The following TEF variants were observed in gnomAD, a reference collection of about 807,000 sequenced individuals.
TEF encodes TEF transcription factor, PAR bZIP family member, also known as thyrotroph embryonic factor.
In TEF, 3 loss-of-function variants were observed where a neutral mutation model predicts 20.8. The ratio of observed to expected loss-of-function variants is 0.14; its 90% CI spans 0.07 to 0.37. The LOEUF (loss-of-function observed/expected upper bound fraction) is 0.37. Ranked by LOEUF, TEF falls within the 10% of genes least tolerant of loss-of-function variation. The probability of loss-of-function intolerance (pLI) is 1.00; values close to 1 mark genes in which losing one functional copy is unlikely to be tolerated. For synonymous variants in TEF, 180 were observed against 171.1 expected (o/e 1.05, Z -0.41); for missense variants, 296 against 397.9 (o/e 0.74, Z 2.18).
chr22:41,384,769 C>T (rs1048121371), intron 1 of TEF, among the ~76,000 whole-genome samples: 1 of 151,578 alleles, frequency 6.6e-6, no homozygotes, highest in Admixed American at 6.6e-5. Context: ...TTTTTTCTTT[C>T]GAGACAGACT....
rs2037232403 is a variant in TEF at position 41,396,629 on chromosome 22, A to AGGCCATCGGCTGTCTCTGC, written c.*670_*688dup. The AGGCCATCGGCTGTCTCTGC allele has an allele frequency of 3.7e-6, 1 of 268,024 alleles. No homozygotes were observed. Among genetic ancestry groups the AGGCCATCGGCTGTCTCTGC allele is most frequent in the Non-Finnish European group, 6.9e-6 (1 of 144,108 alleles). 16.6% of individuals were successfully genotyped at this position (268,024 alleles called of 1,614,324 possible). ...GCACCCCTTTTCCCTTATGGCTCTG[A>AGGCCATCGGCTGTCTCTGC]GGCCATCGGCTGTCTCTGCATTTCA... On this transcript the variant is annotated 3_prime_UTR_variant, in exon 4 of 4. Transcript: ENST00000266304.
chr22:41,379,332 C>G (rs147053657), upstream of TEF, among the ~76,000 whole-genome samples: 7 of 151,208 alleles, frequency 4.6e-5, no homozygotes, highest in Non-Finnish European at 1.0e-4. Flanking sequence ...GAGTGAGACT[C>G]TGTCTCGGAA....
intron 1 of TEF, among the ~76,000 whole-genome samples, chr22:41,370,438 T>G: frequency 8.3e-6 from 1 of 120,112 alleles, no homozygotes; most frequent in African/African-American, 3.2e-5. Context: ...TTTGAGCCAG[T>G]GTCTCACTCT....
upstream of TEF, among the ~76,000 whole-genome samples, chr22:41,379,195 G>A (rs2036983369): frequency 6.6e-6 from 1 of 152,072 alleles, no homozygotes; most frequent in Non-Finnish European, 1.5e-5. Flanking sequence ...AAAATTAGGC[G>A]GGCACGGTGG....
At chr22:41,392,273 C>G (rs140090872) in intron 2 of TEF, among the ~76,000 whole-genome samples, 2 of 152,132 alleles carry the variant, frequency 1.3e-5, no homozygotes, top group African/African-American at 4.8e-5. Flanking sequence ...AATCAGCCAG[C>G]CAGACTAAGT....
At chr22:41,393,773 CAAAAAA>C in intron 2 of TEF, among the ~76,000 whole-genome samples, 1 of 60,312 alleles carries the variant, frequency 1.7e-5, no homozygotes, top group African/African-American at 5.8e-5. Context: ...ACTCCCATCT[CAAAAAA>C]AAAAAAAAAA....
Position 41,382,024 on chromosome 22 carries a change from G to A in TEF, c.-21G>A. 1 of 1,230,012 alleles carries A rather than the reference G, an allele frequency of 8.1e-7. No homozygotes were observed. 76.2% of individuals were successfully genotyped at this position (1,230,012 alleles called of 1,614,324 possible). On this transcript the variant is annotated 5_prime_UTR_variant, in exon 1 of 4. Coordinates refer to ENST00000266304, the MANE Select transcript of TEF (RefSeq NM_003216.4). ...GGGGCGGGCGGGGGAGGCGAGGTGCGCGAGCCGAGTCCGGGGCACGATGTC... is the reference window on the plus strand; with the variant it reads ...GGGGCGGGCGGGGGAGGCGAGGTGCACGAGCCGAGTCCGGGGCACGATGTC...
chr22:41,368,692 G>C (rs375203974), intron 1 of TEF, among the ~76,000 whole-genome samples: 2 of 152,176 alleles, frequency 1.3e-5, no homozygotes, highest in East Asian at 1.9e-4. Context: ...TAGGGCAGGG[G>C]CTCCGGAGCT....
intron 1 of TEF, among the ~76,000 whole-genome samples, chr22:41,374,243 C>A (rs1601811652): frequency 6.6e-6 from 1 of 151,412 alleles, no homozygotes; most frequent in Non-Finnish European, 1.5e-5. Context: ...CTGTCTCTAC[C>A]AAAAAAATTA....
At chr22:41,368,508 C>T (rs561902076) in intron 1 of TEF, among the ~76,000 whole-genome samples, 205 of 152,282 alleles carry the variant, frequency 1.3e-3, no homozygotes, top group African/African-American at 4.6e-3. Flanking sequence ...TTCCACAGGA[C>T]GCTCTCAGCC....
At position 41,397,201 on chromosome 22, in the gene TEF, G is replaced by C. The variant is rs1306129727; in HGVS notation, c.*1241G>C. 2.5e-6 allele frequency: 1 copy of C among 398,146 alleles called. No individual in the cohort carries two copies. The allele number at this position is 398,146 out of a possible 1,614,324, so 24.7% of individuals were successfully genotyped here. A position where few individuals can be genotyped will look rare whatever the true frequency, so the allele number is the denominator to read the frequency against. The stretch of plus-strand genomic sequence containing the variant: ...TTTACACAGGCCTAGGGTCCCCTCA[G>C]TCTTGGTCCCAGGAGATGGGGGCCA... On this transcript the variant is annotated 3_prime_UTR_variant, in exon 4 of 4. Coordinates refer to ENST00000266304, the MANE Select transcript of TEF (RefSeq NM_003216.4).
At chr22:41,380,335 C>G (rs560111123), upstream of TEF, among the ~76,000 whole-genome samples, 54 of 152,174 alleles carry the variant, frequency 3.5e-4, 1 homozygote, top group East Asian at 5.4e-3. Context: ...TCTGTACTTA[C>G]AGTAGTGTCG....
At chr22:41,377,627 T>C (rs1601813854), upstream of TEF, among the ~76,000 whole-genome samples, 1 of 152,206 alleles carries the variant, frequency 6.6e-6, no homozygotes, top group Admixed American at 6.5e-5. Flanking sequence ...GAGAACATAA[T>C]AGCTCCCACC....
chr22:41,379,487 A>C (rs2036987254), upstream of TEF, among the ~76,000 whole-genome samples: 1 of 152,052 alleles, frequency 6.6e-6, no homozygotes, highest in Non-Finnish European at 1.5e-5. Flanking sequence ...AGCCTGGGCA[A>C]CAAGGGCAAA....
Position 41,382,033 on chromosome 22 carries a change from G to A in TEF, c.-12G>A, listed in dbSNP as rs2037033287. On this transcript the variant is annotated 5_prime_UTR_variant, in exon 1 of 4. Coordinates refer to ENST00000266304, the MANE Select transcript of TEF (RefSeq NM_003216.4). ...GGGGGAGGCGAGGTGCGCGAGCCGA[G>A]TCCGGGGCACGATGTCCGACGCGGG... is the stretch of plus-strand genomic sequence containing the variant. 2 of 1,230,574 alleles carry A rather than the reference G, an allele frequency of 1.6e-6. No individual in the cohort carries two copies. Among genetic ancestry groups the A allele is most frequent in the African/African-American group, 3.1e-5 (2 of 64,322 alleles). The allele number at this position is 1,230,574 out of a possible 1,614,324, so 76.2% of individuals were successfully genotyped here. A position where few individuals can be genotyped will look rare whatever the true frequency, so the allele number is the denominator to read the frequency against.
At chr22:41,383,780 C>T (rs1330507938) in intron 1 of TEF, among the ~76,000 whole-genome samples, 5 of 152,218 alleles carry the variant, frequency 3.3e-5, no homozygotes, top group Non-Finnish European at 5.9e-5. Flanking sequence ...CTTATTGTTG[C>T]CTGTCTTTCA....
chr22:41,394,400 GGA>G, intron 3 of TEF, 84 bp downstream of exon 3: 1 of 1,323,104 alleles, frequency 7.6e-7, no homozygotes, highest in Non-Finnish European at 1.0e-6. Context: ...GATTTTATCT[GGA>G]GAGCCTTCCC....
chr22:41,370,478 C>T (rs1459650078), intron 1 of TEF, among the ~76,000 whole-genome samples: 2 of 143,778 alleles, frequency 1.4e-5, no homozygotes, highest in East Asian at 2.1e-4. Context: ...AGTGGTGCAA[C>T]GTCAGCTCAC....
upstream of TEF, among the ~76,000 whole-genome samples, chr22:41,379,829 G>A (rs1235638927): frequency 1.3e-5 from 2 of 150,076 alleles, no homozygotes; most frequent in Admixed American, 6.6e-5. Context: ...GGAGGCGGAG[G>A]TTGCGGTGAG....
Sources: allele counts gnomAD v4.1 joint callset (sites outside exome capture counted in the v4.1 genomes callset), GRCh38; gene constraint gnomAD v4.1.1; transcripts MANE v1.5; gene names NCBI Gene and HGNC (gene_info 2026-07-23, HGNC 2026-07-21).